The following RAB11FIP1 variants were observed in gnomAD, a reference collection of about 807,000 sequenced individuals.
RAB11FIP1 encodes rab11 family-interacting protein 1.
Under a neutral mutation model 83.1 loss-of-function variants are expected in RAB11FIP1, and 49 were observed. That is an observed-to-expected ratio of 0.59 (90% CI 0.47 to 0.75). RAB11FIP1 has a LOEUF of 0.75. RAB11FIP1 is among the 30% of genes least tolerant of loss of function. RAB11FIP1 has a pLI of 0.00. For synonymous variants in RAB11FIP1, 670 were observed against 656.0 expected (o/e 1.02, Z -0.33); for missense variants, 1,536 against 1,598.7 (o/e 0.96, Z 0.67).
At chr8:37,878,649 C>A (rs1268057538) in intron 1 of RAB11FIP1, among the ~76,000 whole-genome samples, 2 of 148,412 alleles carry the variant, frequency 1.3e-5, no homozygotes, top group African/African-American at 5.0e-5. Context: ...AAGGAATGGT[C>A]CCTGCCAGGG....
Position 37,871,943 on chromosome 8 carries a change from G to A in RAB11FIP1, c.2859C>T (p.Ala953=), listed in dbSNP as rs777665820. 1.5e-5 allele frequency: 24 copies of A among 1,614,160 alleles called. No individual in the cohort carries two copies. Among genetic ancestry groups the A allele is most frequent in the Admixed American group, 1.3e-4 (8 of 60,016 alleles). ...TGGAAGGAAGGCTTAAGTTCAGATC[G>A]GCCATGATTGGAGATTTAAAATCTG... is the stretch of plus-strand genomic sequence containing the variant. ...LVSDFKSPIM[A]DLNLSLPSIP... is the part of the protein sequence containing the mutation. Residue 953 remains alanine, a synonymous_variant, in exon 4 of 6, where the codon GCC becomes GCT. Transcript: ENST00000330843.
intron 5 of RAB11FIP1, among the ~76,000 whole-genome samples, chr8:37,870,062 C>T (rs772954003): frequency 6.6e-5 from 10 of 151,960 alleles, no homozygotes; most frequent in Admixed American, 2.6e-4. Flanking sequence ...TTTGGGAGGC[C>T]AAGGTGGGAG....
chr8:37,876,087 C>A (rs1035959165), intron 2 of RAB11FIP1, among the ~76,000 whole-genome samples: 1 of 151,840 alleles, frequency 6.6e-6, no homozygotes, highest in Non-Finnish European at 1.5e-5. Flanking sequence ...CCCAGCTATT[C>A]GGGAGACTGA....
At position 37,875,096 on chromosome 8, in the gene RAB11FIP1, C is replaced by T. The variant is rs1563369351; in HGVS notation, c.1041G>A (p.Lys347=). 6.2e-7 allele frequency: 1 copy of T among 1,614,050 alleles called. No individual in the cohort carries two copies. The highest frequency in any genetic ancestry group is 8.5e-7 in the Non-Finnish European group (1 of 1,179,992). The change falls in exon 3 of 6, where the codon AAG becomes AAA. Residue 347 remains lysine, a synonymous_variant. Coordinates refer to ENST00000330843, the MANE Select transcript of RAB11FIP1 (RefSeq NM_001002814.3). ...DSSPSSSPSP[K]GFRKKHLFSS... is the part of the protein sequence containing the mutation. ...AGAACAAATGCTTCTTTCTGAAGCC[C>T]TTGGGGGATGGGGAGGAGGACGGGC...
At position 37,899,443 on chromosome 8, in the gene RAB11FIP1, G is replaced by T. The variant is rs1807173958; in HGVS notation, c.-2C>A. 6.5e-7 allele frequency: 1 copy of T among 1,548,804 alleles called. No homozygotes were observed. Among genetic ancestry groups the T allele is most frequent in the East Asian group, 2.3e-5 (1 of 42,806 alleles). On this transcript the variant is annotated 5_prime_UTR_variant, in exon 1 of 6. Transcript: ENST00000330843. The surrounding 1 kb of genome is among the most constrained non-coding windows in gnomAD (Gnocchi z 4.5). ...GCCAGCCGAGACCATTAGGGACATG[G>T]TGACGATAACACTCCAGAAGCGAGG... is the stretch of plus-strand genomic sequence containing the variant.
intron 5 of RAB11FIP1, among the ~76,000 whole-genome samples, chr8:37,869,121 G>A (rs1214383936): frequency 6.6e-6 from 1 of 151,470 alleles, no homozygotes; most frequent in Non-Finnish European, 1.5e-5. Flanking sequence ...CCAGCTACTT[G>A]GGAGGCTGAG....
intron 1 of RAB11FIP1, among the ~76,000 whole-genome samples, chr8:37,884,219 T>C (rs1345656460): frequency 1.3e-5 from 2 of 151,558 alleles, no homozygotes; most frequent in Non-Finnish European, 2.9e-5. Context: ...CGCACACCAC[T>C]GCATCCGGCT....
In RAB11FIP1 at chr8:37,870,513, C is replaced by T. The variant is rs61741611; in HGVS notation, c.3540G>A (p.Lys1180=). The change falls in exon 5 of 6, where the codon AAG becomes AAA. Residue 1180 remains lysine, a synonymous_variant. Transcript: ENST00000330843. The part of the protein sequence containing the change: ...GSAKHRLHPV[K]PMNAMATKVA... The stretch of plus-strand genomic sequence containing the variant: ...CCTTGGTGGCCATTGCATTCATTGG[C>T]TTCACAGGATGAAGTCTAAAGAGAA... 14,672 of 1,585,282 alleles carry T rather than the reference C, an allele frequency of 9.3e-3. 111 individuals are homozygous for T. Among genetic ancestry groups the T allele is most frequent in the Middle Eastern group, 0.039 (218 of 5,564 alleles).
At position 37,872,676 on chromosome 8, in the gene RAB11FIP1, A is replaced by G; in HGVS notation, c.2126T>C (p.Phe709Ser). The change falls in exon 4 of 6, where the codon TTC (phenylalanine) becomes TCC (serine). Residue 709 changes from phenylalanine to serine, a missense_variant. By Grantham distance (155) the Phe-to-Ser change is radical. Coordinates refer to ENST00000330843, the MANE Select transcript of RAB11FIP1 (RefSeq NM_001002814.3). ...GCTGTAGTCTTGTTTTTTGCAGGGG[A>G]ATCTCGGAAGTTCTTCCTCTTGTCG... ...TGRQEEELPR[F>S]PCKKQDYSPS... is the part of the protein sequence containing the mutation. 6.2e-7 allele frequency: 1 copy of G among 1,614,112 alleles called. No homozygotes were observed. The highest frequency in any genetic ancestry group is 1.7e-5 in the Admixed American group (1 of 60,016).
chr8:37,861,301 A>C lies in RAB11FIP1; in HGVS notation c.*1594T>G, dbSNP rs1806227378. ...AAGGGGGTAAAATGCTGGTGAGTCTATTCATGAGGGAAAATGGAAAAAAAG... is the reference window on the plus strand; with the variant it reads ...AAGGGGGTAAAATGCTGGTGAGTCTCTTCATGAGGGAAAATGGAAAAAAAG... On this transcript the variant is annotated 3_prime_UTR_variant, in exon 6 of 6. Transcript: ENST00000330843. The C allele has an allele frequency of 8.8e-6, 2 of 227,308 alleles. No individual in the cohort carries two copies. The highest frequency in any genetic ancestry group is 9.4e-5 in the South Asian group (2 of 21,278). The allele number at this position is 227,308 out of a possible 1,614,324, so 14.1% of individuals were successfully genotyped here.
intron 1 of RAB11FIP1, among the ~76,000 whole-genome samples, chr8:37,889,636 C>T (rs752320068): frequency 5.3e-5 from 8 of 152,208 alleles, no homozygotes; most frequent in Non-Finnish European, 1.2e-4. Flanking sequence ...AAACAAACTT[C>T]AGCATGACTG....
intron 1 of RAB11FIP1, among the ~76,000 whole-genome samples, chr8:37,897,087 G>A (rs1433923763): frequency 6.6e-6 from 1 of 152,128 alleles, no homozygotes; most frequent in Non-Finnish European, 1.5e-5. Context: ...CATTGCTGCA[G>A]CCCCTCCTTA....
intron 4 of RAB11FIP1, 194 bp downstream of exon 4, chr8:37,871,084 C>T: frequency 3.1e-6 from 2 of 646,786 alleles, no homozygotes; most frequent in Non-Finnish European, 5.1e-6. Context: ...TTACAGACTA[C>T]TATTATGTTC....
Position 37,882,177 on chromosome 8 carries a change from C to T in RAB11FIP1, c.372-4626G>A, listed in dbSNP as rs145410746. Among the ~76,000 whole-genome samples the T allele has an allele frequency of 3.4e-3, 522 of 152,272 alleles. 2 individuals are homozygous for T. Among genetic ancestry groups the T allele is most frequent in the Non-Finnish European group, 5.5e-3 (372 of 68,018 alleles). ...TCTATTAGCCCTCCACGGGGATGCA[C>T]AAATGTGACAGGCCTCCAAAGCAGC... is the stretch of plus-strand genomic sequence containing the variant. On this transcript the variant is annotated intron_variant, in intron 1 of 5. Transcript: ENST00000330843.
intron 1 of RAB11FIP1, among the ~76,000 whole-genome samples, chr8:37,894,958 A>G (rs1481190763): frequency 1.3e-5 from 2 of 148,924 alleles, no homozygotes; most frequent in African/African-American, 4.9e-5. Flanking sequence ...AGGGTTCACC[A>G]TGTTGACCAG....
chr8:37,864,774 G>GT (rs548529398), intron 5 of RAB11FIP1, among the ~76,000 whole-genome samples: 5 of 152,110 alleles, frequency 3.3e-5, no homozygotes, highest in Non-Finnish European at 7.3e-5. Context: ...CCTAATCTTT[G>GT]TTTTTTAAAA....
At position 37,871,268 on chromosome 8, in the gene RAB11FIP1, C is replaced by G. The variant is rs374181144; in HGVS notation, c.3524+10G>C. The G allele has an allele frequency of 6.3e-7, 1 of 1,590,830 alleles. No homozygotes were observed. Among genetic ancestry groups the G allele is most frequent in the African/African-American group, 1.4e-5 (1 of 73,828 alleles). Reference sequence around the variant, plus strand: ...TCACATTTACATAGACAATCTCCCCCATCTCTCACCTGTGCTTGGCTGACC... The same window carrying G: ...TCACATTTACATAGACAATCTCCCCGATCTCTCACCTGTGCTTGGCTGACC... On this transcript the variant is annotated intron_variant, in intron 4 of 5. Transcript: ENST00000330843.
intron 1 of RAB11FIP1, chr8:37,877,811 C>T (rs1806649301): frequency 3.0e-6 from 1 of 334,692 alleles, no homozygotes; most frequent in South Asian, 4.4e-5. Flanking sequence ...CCTCTGCCTC[C>T]TGGGTTCAAG....
At chr8:37,867,431 G>T (rs545170307) in intron 5 of RAB11FIP1, among the ~76,000 whole-genome samples, 1 of 152,180 alleles carries the variant, frequency 6.6e-6, no homozygotes, top group East Asian at 1.9e-4. Flanking sequence ...GGGTCCGGGC[G>T]CAGTGGCTCA....
Sources: allele counts gnomAD v4.1 joint callset (sites outside exome capture counted in the v4.1 genomes callset), GRCh38; gene constraint gnomAD v4.1.1; non-coding constraint Gnocchi (gnomAD v3.1); transcripts MANE v1.5; gene names NCBI Gene and HGNC (gene_info 2026-07-23, HGNC 2026-07-21).